Variants in CENPO observed in about 807,000 individuals in gnomAD.
The protein encoded by CENPO is centromere protein O.
A neutral mutation model predicts 36.1 loss-of-function variants in CENPO; 30 were observed. That is an observed-to-expected ratio of 0.83 (90% CI 0.62 to 1.13). CENPO has a LOEUF of 1.13. Among genes scored for constraint, CENPO ranks in the 50% most tolerant of loss-of-function variants. The pLI is 0.00. For synonymous variants in CENPO, 171 were observed against 142.3 expected, an observed-to-expected ratio of 1.20 and a Z score of -1.44; for missense variants, 349 against 357.8, an observed-to-expected ratio of 0.98 and a Z score of 0.20.
rs1195231903 is a variant in CENPO, at chr2:24,820,389, A to T, written c.*1071A>T. On this transcript the variant is annotated 3_prime_UTR_variant, in exon 8 of 8. Coordinates refer to ENST00000380834, the MANE Select transcript of CENPO (RefSeq NM_001322101.2). ...CTGGGTGGCAGCACTGTTACCTGGA[A>T]ACTGCCACTGCCTGCTCTTCTGTCC... 3.1e-6 allele frequency: 4 copies of T among 1,310,306 alleles called. No individual in the cohort carries two copies. The highest frequency in any genetic ancestry group is 3.9e-6 in the Non-Finnish European group (4 of 1,033,396). 81.2% of individuals were successfully genotyped at this position (1,310,306 alleles called of 1,614,324 possible).
intron 2 of CENPO, 44 bp from the exon 3 acceptor site, chr2:24,799,631 G>T: frequency 6.0e-6 from 9 of 1,505,536 alleles, no homozygotes; most frequent in Non-Finnish European, 8.1e-6. Context: ...GCCACAGTGA[G>T]AAATCCTCAG....
At chr2:24,815,461 C>T (rs1389727288) in intron 4 of CENPO, 36 bp from the exon 5 acceptor site, 1 of 1,595,756 alleles carries the variant, frequency 6.3e-7, no homozygotes, top group African/African-American at 1.3e-5. Flanking sequence ...TCACCTTGGC[C>T]TGCTGTCTAT....
intron 3 of CENPO, among the ~76,000 whole-genome samples, chr2:24,811,818 G>C (rs1666704942): frequency 1.3e-5 from 2 of 152,110 alleles, no homozygotes; most frequent in Admixed American, 6.5e-5. Context: ...GTCTGGTCTT[G>C]AACTCCTGAC....
chr2:24,797,607 C>T (rs914184347), intron 2 of CENPO, among the ~76,000 whole-genome samples: 2 of 152,126 alleles, frequency 1.3e-5, no homozygotes, highest in African/African-American at 4.8e-5. Flanking sequence ...ATGTAAGTGT[C>T]ACAAAAACAG....
chr2:24,820,937 A>G lies in CENPO; in HGVS notation c.*1619A>G. On this transcript the variant is annotated 3_prime_UTR_variant, in exon 8 of 8. Transcript: ENST00000380834. ...CATCTCCTCTCCAGACCTGTACCAC[A>G]AAGCTCCTAATGTAACACATCATTG... 2 of 1,537,736 alleles carry G rather than the reference A, an allele frequency of 1.3e-6. No homozygotes were observed. The highest frequency in any genetic ancestry group is 1.8e-6 in the Non-Finnish European group (2 of 1,134,454).
rs928359832 is a variant in CENPO at position 24,820,768 on chromosome 2, C to T, written c.*1450C>T. ...CCCGTGGACTCCATCCTGCTGGCTACATTGACTGTATTGCCCCAGATGTCG... is the reference window on the plus strand; with the variant it reads ...CCCGTGGACTCCATCCTGCTGGCTATATTGACTGTATTGCCCCAGATGTCG... On this transcript the variant is annotated 3_prime_UTR_variant, in exon 8 of 8. Coordinates refer to ENST00000380834, the MANE Select transcript of CENPO (RefSeq NM_001322101.2). The T allele has an allele frequency of 3.1e-6, 5 of 1,614,120 alleles. No homozygotes were observed. The highest frequency in any genetic ancestry group is 4.2e-6 in the Non-Finnish European group (5 of 1,180,006).
Sources: allele counts gnomAD v4.1 joint callset (sites outside exome capture counted in the v4.1 genomes callset), GRCh38; gene constraint gnomAD v4.1.1; transcripts MANE v1.5; gene names NCBI Gene and HGNC (gene_info 2026-07-23, HGNC 2026-07-21).